PNMA6E: variants seen among roughly 807,000 people sequenced by gnomAD.
The protein encoded by PNMA6E is paraneoplastic antigen Ma6E.
For missense variants in PNMA6E, 78 were observed against 50.8 expected, an observed-to-expected ratio of 1.53 and a Z score of -1.63; for synonymous variants, 43 against 17.1, an observed-to-expected ratio of 2.52 and a Z score of -3.74.
the PNMA6E span, among the ~76,000 whole-genome samples, chrX:153,407,638 G>A: frequency 3.6e-5 from 4 of 111,275 alleles, no homozygotes; most frequent in Admixed American, 3.8e-4. Context: ...TCCCAAAGTG[G>A]TGAGATTACA....
At chrX:153,408,400 C>T in the PNMA6E span, among the ~76,000 whole-genome samples, 1 of 112,632 alleles carries the variant, frequency 8.9e-6, no homozygotes, top group Non-Finnish European at 1.9e-5. Context: ...ACACTATTGC[C>T]CCTACCGGCC....
Position 153,396,702 on chromosome X carries a change from G to C in PNMA6E, c.*204C>G, listed in dbSNP as rs1284311822. The C allele has an allele frequency of 3.6e-6, 1 of 275,273 alleles. No individual in the cohort carries two copies. Among genetic ancestry groups the C allele is most frequent in the Non-Finnish European group, 6.4e-6 (1 of 156,273 alleles). 22.7% of individuals were successfully genotyped at this position (275,273 alleles called of 1,213,427 possible). ...GTGTGCTGGGTGCAAGGGAGCGGGG[G>C]GGCGCCTCTCCCCACCCCATTTTGT... is the stretch of plus-strand genomic sequence containing the variant. On this transcript the variant is annotated 3_prime_UTR_variant, in exon 2 of 2. Transcript: ENST00000445091.
At chrX:153,410,149 C>G in the PNMA6E span, among the ~76,000 whole-genome samples, 1 of 111,117 alleles carries the variant, frequency 9.0e-6, no homozygotes, top group African/African-American at 3.3e-5. Flanking sequence ...TGGGCACTCC[C>G]CACCTTCGCC....
At chrX:153,406,037 G>A (rs375416984), upstream of PNMA6E, among the ~76,000 whole-genome samples, 40 of 111,999 alleles carry the variant, frequency 3.6e-4, no homozygotes, top group East Asian at 0.01. Context: ...CATCAATCCC[G>A]CAAGTAATAT....
In PNMA6E at chrX:153,396,401, G is replaced by C. The variant is rs1345933642; in HGVS notation, c.*505C>G. The C allele has an allele frequency of 8.6e-6, 1 of 115,632 alleles. No individual in the cohort carries two copies. The highest frequency in any genetic ancestry group is 1.9e-5 in the Non-Finnish European group (1 of 53,715). The allele number at this position is 115,632 out of a possible 1,213,427, so 9.5% of individuals were successfully genotyped here. A position where few individuals can be genotyped will look rare whatever the true frequency, so the allele number is the denominator to read the frequency against. The stretch of plus-strand genomic sequence containing the variant: ...TTTCGCAGAAATGATGGCTAGCAGT[G>C]GGTGGGCGTCTGCTGGGCGCGTGGG... On this transcript the variant is annotated 3_prime_UTR_variant, in exon 2 of 2. Coordinates refer to ENST00000445091, the MANE Select transcript of PNMA6E (RefSeq NM_001367770.1).
chrX:153,404,385 G>A (rs1479429426), upstream of PNMA6E, among the ~76,000 whole-genome samples: 2 of 111,455 alleles, frequency 1.8e-5, no homozygotes, highest in Non-Finnish European at 3.8e-5. Context: ...CTTGTTTCTT[G>A]TAGTAATCTA....
chrX:153,402,624 C>G (rs2088859143), upstream of PNMA6E, among the ~76,000 whole-genome samples: 1 of 112,060 alleles, frequency 8.9e-6, no homozygotes, highest in Non-Finnish European at 1.9e-5. Flanking sequence ...GATATTTACC[C>G]ACATATTTTG....
At chrX:153,410,089 C>T in the PNMA6E span, among the ~76,000 whole-genome samples, 6 of 111,365 alleles carry the variant, frequency 5.4e-5, no homozygotes, top group Non-Finnish European at 1.1e-4. Flanking sequence ...GCGCTTCCTC[C>T]GGTGGCTCTG....
Position 153,398,517 on chromosome X carries a change from C to A in PNMA6E, c.333G>T (p.Gln111His). 2.6e-6 allele frequency: 1 copy of A among 384,733 alleles called. No homozygotes were observed. Among genetic ancestry groups the A allele is most frequent in the South Asian group, 5.6e-5 (1 of 17,977 alleles). 31.7% of individuals were successfully genotyped at this position (384,733 alleles called of 1,213,427 possible). ...EFQDMPSFPA[Q>H]PQGQAVAKAA... Reference sequence around the variant, plus strand: ...CTTTTGCTACTGCTTGACCCTGGGGCTGTGCAGGAAAACTGGGCATATCCT... The same window carrying A: ...CTTTTGCTACTGCTTGACCCTGGGGATGTGCAGGAAAACTGGGCATATCCT... The change falls in exon 2 of 2, where the codon CAG (glutamine) becomes CAT (histidine). Residue 111 changes from glutamine to histidine, a missense_variant. Physicochemically the swap from Gln to His is conservative, Grantham distance 24. Transcript: ENST00000445091.
chrX:153,409,238 G>A, the PNMA6E span, among the ~76,000 whole-genome samples: 12 of 113,414 alleles, frequency 1.1e-4, no homozygotes, highest in African/African-American at 3.8e-4. Flanking sequence ...AGAGGGCTAG[G>A]TGTGGTGGGA....
chrX:153,406,253 C>T (rs1038088138), upstream of PNMA6E, among the ~76,000 whole-genome samples: 2 of 112,162 alleles, frequency 1.8e-5, no homozygotes, highest in African/African-American at 6.5e-5. Context: ...CCTCAGGGTT[C>T]TCAGTTGCAC....
chrX:153,408,407 GGCCT>G, the PNMA6E span, among the ~76,000 whole-genome samples: 1 of 112,476 alleles, frequency 8.9e-6, no homozygotes, highest in Non-Finnish European at 1.9e-5. Context: ...TGCCCCTACC[GGCCT>G]CATCCTGAGG....
the PNMA6E span, among the ~76,000 whole-genome samples, chrX:153,411,300 A>T: frequency 8.9e-6 from 1 of 112,838 alleles, no homozygotes; most frequent in Non-Finnish European, 1.9e-5. Context: ...CTTCGACCCC[A>T]GCCTTCAGAG....
the PNMA6E span, among the ~76,000 whole-genome samples, chrX:153,410,991 T>C: frequency 9.0e-6 from 1 of 111,104 alleles, no homozygotes; most frequent in Admixed American, 9.5e-5. Context: ...CCAGAGGGTC[T>C]TGGCTTCTTG....
At chrX:153,402,080 C>T (rs2124275253), upstream of PNMA6E, among the ~76,000 whole-genome samples, 1 of 111,135 alleles carries the variant, frequency 9.0e-6, no homozygotes, top group East Asian at 2.8e-4. Flanking sequence ...GCCTCGGCCT[C>T]CCAAAGTGCT....
intron 1 of PNMA6E, among the ~76,000 whole-genome samples, chrX:153,400,759 C>A (rs376731324): frequency 9.2e-6 from 1 of 108,784 alleles, no homozygotes; most frequent in African/African-American, 3.4e-5. Context: ...TCCCGCCCCA[C>A]GCTTGGAGCC....
rs983803402 is a variant in PNMA6E, at chrX:153,397,311, C to G, written c.1539G>C (p.Glu513Asp). Reference sequence around the variant, plus strand: ...CCTGGGCAGCAGCTGGGTCTTCACTCTCCACTGGGGCCGCTGCCCAGGCCA... The same window carrying G: ...CCTGGGCAGCAGCTGGGTCTTCACTGTCCACTGGGGCCGCTGCCCAGGCCA... ...QGVAWAAAPV[E>D]SEDPAAAQAS... Residue 513 changes from glutamate (E) to aspartate (D), a missense_variant, in exon 2 of 2, where the codon GAG becomes GAC. Coordinates refer to ENST00000445091, the MANE Select transcript of PNMA6E (RefSeq NM_001367770.1). The G allele has an allele frequency of 9.1e-5, 27 of 296,878 alleles. No homozygotes were observed. In the East Asian group the frequency reaches 9.5e-4, roughly 10 times the overall value. 24.5% of individuals were successfully genotyped at this position (296,878 alleles called of 1,213,427 possible).
At chrX:153,407,456 A>G in the PNMA6E span, among the ~76,000 whole-genome samples, 1 of 110,673 alleles carries the variant, frequency 9.0e-6, no homozygotes. Flanking sequence ...TGCAGCCTCA[A>G]ACTCCTGGGT....
At chrX:153,400,944 C>T (rs782194462) in intron 1 of PNMA6E, among the ~76,000 whole-genome samples, 30 of 109,956 alleles carry the variant, frequency 2.7e-4, no homozygotes, top group South Asian at 1.6e-3. Flanking sequence ...CGACCCTCTC[C>T]GCCCAGGGAC....
Sources: allele counts gnomAD v4.1 joint callset (sites outside exome capture counted in the v4.1 genomes callset), GRCh38; gene constraint gnomAD v4.1.1; transcripts MANE v1.5; gene names NCBI Gene and HGNC (gene_info 2026-07-23, HGNC 2026-07-21).